Variants in ITIH5 observed in about 807,000 individuals in gnomAD.
The protein encoded by ITIH5 is inter-alpha-trypsin inhibitor heavy chain 5, also known as inter-alpha-trypsin inhibitor heavy chain H5.
A neutral mutation model predicts 77.5 loss-of-function variants in ITIH5; 65 were observed. The ratio of observed to expected loss-of-function variants is 0.84; its 90% CI spans 0.69 to 1.03. The LOEUF (loss-of-function observed/expected upper bound fraction) is 1.03, where lower values mean the gene tolerates loss of function less well. ITIH5 is among the 50% of genes least tolerant of loss of function. The pLI is 0.00. For missense variants in ITIH5, 1,208 were observed against 1,213.1 expected (o/e 1.00, Z 0.06); for synonymous variants, 525 against 494.3 (o/e 1.06, Z -0.82).
intron 7 of ITIH5, among the ~76,000 whole-genome samples, chr10:7,590,235 G>A (rs1283342406): frequency 1.3e-5 from 2 of 152,116 alleles, no homozygotes; most frequent in Non-Finnish European, 2.9e-5. Context: ...CGTGGTCCAA[G>A]GCGGAAGCCT....
chr10:7,577,156 T>C (rs1832443329), intron 9 of ITIH5, 144 bp from the exon 10 acceptor site: 1 of 648,336 alleles, frequency 1.5e-6, no homozygotes, highest in Non-Finnish European at 2.6e-6. Context: ...CCACACAATA[T>C]TTCTGCCAGG....
intron 11 of ITIH5, 53 bp from the exon 12 acceptor site, chr10:7,569,837 T>C: frequency 1.9e-6 from 2 of 1,057,090 alleles, no homozygotes; most frequent in Non-Finnish European, 2.8e-6. Flanking sequence ...ATTCAGTACC[T>C]TCCTTGTGTA....
intron 8 of ITIH5, among the ~76,000 whole-genome samples, chr10:7,581,120 C>T (rs987814645): frequency 1.3e-4 from 20 of 152,110 alleles, no homozygotes; most frequent in African/African-American, 4.8e-4. Flanking sequence ...ATTAGCCGGG[C>T]ATGGTGGTAC....
intron 13 of ITIH5, among the ~76,000 whole-genome samples, chr10:7,565,494 A>G (rs567776386): frequency 5.6e-4 from 85 of 150,510 alleles, no homozygotes; most frequent in Non-Finnish European, 8.9e-4. Flanking sequence ...CTGATTATAT[A>G]TTATGTATAT....
At chr10:7,664,645 C>G (rs1834333780) in intron 1 of ITIH5, among the ~76,000 whole-genome samples, 1 of 152,270 alleles carries the variant, frequency 6.6e-6, no homozygotes. Context: ...GGTGAAGGAA[C>G]TTGAATCTAA....
intron 5 of ITIH5, among the ~76,000 whole-genome samples, chr10:7,633,658 T>C (rs938142441): frequency 6.6e-6 from 1 of 151,614 alleles, no homozygotes. Context: ...TCTTCATAAT[T>C]AAAATGGGGA....
At chr10:7,599,513 G>T (rs1399211846) in intron 7 of ITIH5, among the ~76,000 whole-genome samples, 1 of 152,130 alleles carries the variant, frequency 6.6e-6, no homozygotes, top group African/African-American at 2.4e-5. Context: ...TGCAGGTCTG[G>T]ATTCTAGATC....
At chr10:7,661,435 T>C (rs949771783) in intron 1 of ITIH5, among the ~76,000 whole-genome samples, 7 of 152,056 alleles carry the variant, frequency 4.6e-5, no homozygotes, top group African/African-American at 1.4e-4. Context: ...AGATCTGCTA[T>C]AGGACCTGGA....
intron 5 of ITIH5, among the ~76,000 whole-genome samples, chr10:7,628,229 A>G (rs560262173): frequency 9.8e-4 from 149 of 152,376 alleles, no homozygotes; most frequent in African/African-American, 3.5e-3. Context: ...GTTCCAAAAC[A>G]TCTTCATCAC....
chr10:7,575,136 T>C (rs1832383974), intron 10 of ITIH5, among the ~76,000 whole-genome samples: 1 of 152,226 alleles, frequency 6.6e-6, no homozygotes, highest in Non-Finnish European at 1.5e-5. Flanking sequence ...AATACATTTC[T>C]GGTATTCCGT....
chr10:7,582,110 T>A (rs1428461397), intron 8 of ITIH5, among the ~76,000 whole-genome samples: 24 of 152,028 alleles, frequency 1.6e-4, no homozygotes, highest in African/African-American at 5.5e-4. Flanking sequence ...TTCCTGACCT[T>A]GTGATCTGCC....
At chr10:7,648,831 T>C (rs1564280202) in intron 2 of ITIH5, among the ~76,000 whole-genome samples, 1 of 152,216 alleles carries the variant, frequency 6.6e-6, no homozygotes, top group Non-Finnish European at 1.5e-5. Context: ...TTAAATTAAG[T>C]GTATAGATTT....
At chr10:7,644,097 G>C (rs1049608991) in intron 2 of ITIH5, among the ~76,000 whole-genome samples, 1 of 152,038 alleles carries the variant, frequency 6.6e-6, no homozygotes, top group Non-Finnish European at 1.5e-5. Context: ...AATTAACTGC[G>C]TGTGGTGGTG....
At chr10:7,580,979 G>A (rs1441567974) in intron 8 of ITIH5, among the ~76,000 whole-genome samples, 4 of 152,162 alleles carry the variant, frequency 2.6e-5, no homozygotes, top group Non-Finnish European at 5.9e-5. Flanking sequence ...TTGGAGGCCA[G>A]CCAGGCACGG....
chr10:7,588,381 G>A (rs534547221), intron 7 of ITIH5, among the ~76,000 whole-genome samples: 4 of 152,298 alleles, frequency 2.6e-5, no homozygotes, highest in South Asian at 4.1e-4. Flanking sequence ...TTAGCTGGGC[G>A]TGGTGGCCCA....
chr10:7,650,483 C>T (rs560294815), intron 2 of ITIH5, among the ~76,000 whole-genome samples: 5 of 152,128 alleles, frequency 3.3e-5, no homozygotes, highest in African/African-American at 1.2e-4. Flanking sequence ...TGCCTGTAAT[C>T]CCAGCACTTT....
intron 7 of ITIH5, among the ~76,000 whole-genome samples, chr10:7,610,069 C>CTTTTT (rs5782989): frequency 3.5e-5 from 3 of 86,738 alleles, no homozygotes; most frequent in East Asian, 3.3e-4. Context: ...TTTCTTTTTT[C>CTTTTT]TTTTTTTTTT....
chr10:7,644,411 T>G (rs985402159), intron 2 of ITIH5, among the ~76,000 whole-genome samples: 3 of 145,904 alleles, frequency 2.1e-5, no homozygotes, highest in East Asian at 3.9e-4. Flanking sequence ...ATATCACATA[T>G]ATCATATATA....
chr10:7,644,536 TCA>T (rs1434493595), intron 2 of ITIH5, among the ~76,000 whole-genome samples: 1 of 133,184 alleles, frequency 7.5e-6, no homozygotes, highest in Non-Finnish European at 1.5e-5. Flanking sequence ...ATATGATATA[TCA>T]CATATATATG....
Sources: gnomAD v4.1 joint callset for allele counts (sites outside exome capture counted in the v4.1 genomes callset) on GRCh38, gnomAD v4.1.1 for gene constraint, MANE v1.5 for transcripts, NCBI Gene and HGNC (gene_info 2026-07-23, HGNC 2026-07-21) for gene names.